Variants in HDAC9 observed in about 807,000 individuals in gnomAD.
HDAC9 encodes the protein MEF-2 interacting transcription repressor (MITR) protein.
In HDAC9, 41 loss-of-function variants were observed where a neutral mutation model predicts 139.4. The observed-to-expected ratio is 0.29, with a 90% CI of 0.23 to 0.38. HDAC9 has a LOEUF of 0.38. Ranked by LOEUF, HDAC9 falls within the 10% of genes least tolerant of loss-of-function variation. The pLI is 1.00. For missense variants in HDAC9, 1,147 were observed against 1,297.0 expected (o/e 0.88, Z 1.78); for synonymous variants, 517 against 476.2 (o/e 1.09, Z -1.12).
chr7:18,553,547 T>A (rs1817790923), intron 2 of HDAC9, among the ~76,000 whole-genome samples: 1 of 152,216 alleles, frequency 6.6e-6, no homozygotes, highest in Admixed American at 6.5e-5. Flanking sequence ...TATTCTGCAC[T>A]TTTCATAACA....
intron 1 of HDAC9, among the ~76,000 whole-genome samples, chr7:18,452,668 C>T (rs1792981203): frequency 6.6e-6 from 1 of 152,132 alleles, no homozygotes; most frequent in African/African-American, 2.4e-5. Flanking sequence ...ATCATGGGGA[C>T]AGGTTTTTCC....
At chr7:18,737,614 G>T (rs1239811790) in intron 13 of HDAC9, among the ~76,000 whole-genome samples, 2 of 152,120 alleles carry the variant, frequency 1.3e-5, no homozygotes, top group African/African-American at 2.4e-5. Flanking sequence ...TTGCACTGTT[G>T]TCTGACAAAC....
chr7:18,285,727 G>A (rs1164860668), upstream of HDAC9, among the ~76,000 whole-genome samples: 4 of 152,062 alleles, frequency 2.6e-5, no homozygotes, highest in Non-Finnish European at 5.9e-5. Context: ...AGAGAAGACA[G>A]GCACACTGGA....
chr7:18,449,465 G>A (rs1412596019), intron 1 of HDAC9, among the ~76,000 whole-genome samples: 3 of 152,138 alleles, frequency 2.0e-5, no homozygotes, highest in African/African-American at 7.2e-5. Flanking sequence ...TACTTTGAGG[G>A]TATTAATGAG....
At chr7:18,654,856 A>G (rs1790580581) in intron 11 of HDAC9, among the ~76,000 whole-genome samples, 1 of 152,156 alleles carries the variant, frequency 6.6e-6, no homozygotes, top group Admixed American at 6.5e-5. Context: ...CAGTCTTTGC[A>G]CGTGGACCTG....
intron 11 of HDAC9, among the ~76,000 whole-genome samples, chr7:18,665,449 T>C (rs1794575264): frequency 6.6e-6 from 1 of 152,172 alleles, no homozygotes; most frequent in African/African-American, 2.4e-5. Flanking sequence ...TCTTTTAAAA[T>C]CATTAAGCAG....
chr7:18,687,558 G>A (rs186241547), intron 12 of HDAC9, among the ~76,000 whole-genome samples: 1 of 151,648 alleles, frequency 6.6e-6, no homozygotes, highest in African/African-American at 2.4e-5. Context: ...TCACATCTCC[G>A]GGTATAGTAG....
At chr7:18,563,788 C>T (rs1246094400) in intron 2 of HDAC9, among the ~76,000 whole-genome samples, 1 of 150,336 alleles carries the variant, frequency 6.7e-6, no homozygotes, top group Non-Finnish European at 1.5e-5. Flanking sequence ...TACATGTGCA[C>T]AACATGCAGG....
chr7:18,294,020 C>T (rs1797984743), intron 1 of HDAC9, among the ~76,000 whole-genome samples: 2 of 151,880 alleles, frequency 1.3e-5, no homozygotes. Flanking sequence ...ATTGTTTTCC[C>T]TTGAGATGAA....
In HDAC9 at chr7:18,453,343, A is replaced by G. The variant is rs552596734; in HGVS notation, c.-41-42919A>G. 1.7e-4 allele frequency among the ~76,000 whole-genome samples: 26 copies of G among 152,308 alleles called. No homozygotes were observed. The South Asian group carries it at 5.2e-3, about 30-fold the overall frequency. Reference sequence around the variant, plus strand: ...AAAAAAAGTGGGGGGAAGGAATTTAATTCTGGAGCTAAAATCCATTTAGTT... The same window carrying G: ...AAAAAAAGTGGGGGGAAGGAATTTAGTTCTGGAGCTAAAATCCATTTAGTT... On this transcript the variant is annotated intron_variant, in intron 1 of 3. Coordinates refer to the HDAC9 transcript ENST00000413509.
intron 1 of HDAC9, among the ~76,000 whole-genome samples, chr7:18,105,030 A>G (rs1783108991): frequency 6.6e-6 from 1 of 151,636 alleles, no homozygotes; most frequent in African/African-American, 2.4e-5. Flanking sequence ...TAGCCTTTCT[A>G]AAATGAAATT....
At chr7:18,571,779 G>A (rs1408799060) in intron 2 of HDAC9, among the ~76,000 whole-genome samples, 1 of 151,982 alleles carries the variant, frequency 6.6e-6, no homozygotes, top group Non-Finnish European at 1.5e-5. Context: ...GGTCTGAATC[G>A]CAGAAGAAAA....
intron 11 of HDAC9, among the ~76,000 whole-genome samples, chr7:18,661,805 AG>A (rs1266216030): frequency 2.6e-5 from 4 of 152,136 alleles, no homozygotes; most frequent in Non-Finnish European, 4.4e-5. Context: ...TTGATAGATC[AG>A]AAGTGTAGAT....
intron 1 of HDAC9, among the ~76,000 whole-genome samples, chr7:18,401,983 A>G (rs764786633): frequency 1.3e-5 from 2 of 152,074 alleles, no homozygotes; most frequent in African/African-American, 2.4e-5. Flanking sequence ...GGCACTTCTC[A>G]TATCCACTTC....
chr7:18,478,288 G>C (rs1452123382), intron 1 of HDAC9, among the ~76,000 whole-genome samples: 1 of 152,080 alleles, frequency 6.6e-6, no homozygotes, highest in Non-Finnish European at 1.5e-5. Flanking sequence ...AGCCAGGATG[G>C]TCTTGATCTC....
chr7:18,578,378 T>A (rs1305424589), intron 2 of HDAC9, among the ~76,000 whole-genome samples: 1 of 152,208 alleles, frequency 6.6e-6, no homozygotes, highest in Non-Finnish European at 1.5e-5. Context: ...AGGTGGATTT[T>A]GGGCCATGTT....
chr7:18,643,242 T>C (rs1322051779), intron 8 of HDAC9, among the ~76,000 whole-genome samples: 2 of 152,128 alleles, frequency 1.3e-5, no homozygotes, highest in African/African-American at 4.8e-5. Context: ...AAAATAAAAT[T>C]GCAACCCCAC....
intron 1 of HDAC9, among the ~76,000 whole-genome samples, chr7:18,313,494 C>T (rs1355663381): frequency 6.6e-6 from 1 of 152,162 alleles, no homozygotes; most frequent in Non-Finnish European, 1.5e-5. Flanking sequence ...TTCATTTTCT[C>T]TTGCTCAGCA....
chr7:18,167,160 A>G (rs1452369044), intron 2 of HDAC9, among the ~76,000 whole-genome samples: 1 of 151,426 alleles, frequency 6.6e-6, no homozygotes, highest in Non-Finnish European at 1.5e-5. Flanking sequence ...AATGGGAAAC[A>G]CTGTATGTTA....
Sources: gnomAD v4.1 joint callset for allele counts (sites outside exome capture counted in the v4.1 genomes callset) on GRCh38, gnomAD v4.1.1 for gene constraint, MANE v1.5 for transcripts, NCBI Gene and HGNC (gene_info 2026-07-23, HGNC 2026-07-21) for gene names.